Variants in PRDM10 observed in about 807,000 individuals in gnomAD.
PRDM10 encodes the protein PR domain zinc finger protein 10.
Under a neutral mutation model 133.1 loss-of-function variants are expected in PRDM10, and 65 were observed. The observed-to-expected ratio is 0.49, with a 90% CI of 0.40 to 0.60. The LOEUF is 0.60. Ranked by LOEUF, PRDM10 falls within the 20% of genes least tolerant of loss-of-function variation. PRDM10 has a pLI of 0.00. For missense variants in PRDM10, 1,137 were observed against 1,507.1 expected (o/e 0.75, Z 4.07); for synonymous variants, 582 against 580.4 (o/e 1.00, Z -0.04).
chr11:129,914,863 C>T lies in PRDM10; in HGVS notation c.2682G>A (p.Leu894=). The change falls in exon 17 of 21, where the codon CTG becomes CTA. Residue 894 remains leucine (L), a synonymous_variant. Coordinates refer to ENST00000360871, the MANE Select transcript of PRDM10 (RefSeq NM_199437.2). ...ATGETVVTTD[L]LTQAMTELSQ... ...ACAGTTCTGTCATTGCTTGGGTGAG[C>T]AGGTCCGTCGTCACCACAGTCTCTC... 6.2e-7 allele frequency: 1 copy of T among 1,614,126 alleles called. No homozygotes were observed. Among genetic ancestry groups the T allele is most frequent in the Non-Finnish European group, 8.5e-7 (1 of 1,180,016 alleles).
chr11:129,989,533 T>G (rs1938616767), intron 1 of PRDM10, among the ~76,000 whole-genome samples: 1 of 152,102 alleles, frequency 6.6e-6, no homozygotes, highest in Admixed American at 6.6e-5. Flanking sequence ...AGTGCAGTAA[T>G]TAAGTAGGAG....
intron 1 of PRDM10, among the ~76,000 whole-genome samples, chr11:129,974,964 G>A (rs990529686): frequency 1.9e-4 from 29 of 152,144 alleles, no homozygotes; most frequent in African/African-American, 7.0e-4. Context: ...TGAGGTAACT[G>A]GAATAGGCAA....
intron 17 of PRDM10, among the ~76,000 whole-genome samples, chr11:129,914,059 T>C (rs990924743): frequency 2.6e-5 from 4 of 152,096 alleles, no homozygotes; most frequent in African/African-American, 9.7e-5. Context: ...TGGAGTGCAA[T>C]GGTGTGATCT....
At chr11:129,972,978 CT>C (rs1199277173) in intron 1 of PRDM10, among the ~76,000 whole-genome samples, 1 of 152,164 alleles carries the variant, frequency 6.6e-6, no homozygotes, top group Non-Finnish European at 1.5e-5. Flanking sequence ...GCCCTCCCTC[CT>C]TGTTACAAAA....
chr11:129,914,251 C>T (rs1330211765), intron 17 of PRDM10, among the ~76,000 whole-genome samples: 2 of 152,232 alleles, frequency 1.3e-5, no homozygotes, highest in African/African-American at 4.8e-5. Context: ...ATCTGCCCGC[C>T]TCAGCCTCCC....
chr11:129,914,926 A>C lies in PRDM10; in HGVS notation c.2619T>G (p.Ser873Arg). 6.2e-7 allele frequency: 1 copy of C among 1,614,122 alleles called. No homozygotes were observed. Among genetic ancestry groups the C allele is most frequent in the Non-Finnish European group, 8.5e-7 (1 of 1,180,012 alleles). The change falls in exon 17 of 21, where the codon AGT becomes AGG. Residue 873 changes from serine (S) to arginine (R), a missense_variant. By Grantham distance (110) the Ser-to-Arg change is moderately radical. Transcript: ENST00000360871. ...CTGTAGTCAAAACCGCTGGGGTGGCACTGATCACAGCTGTCGTCAGTGGTG... is the reference window on the plus strand; with the variant it reads ...CTGTAGTCAAAACCGCTGGGGTGGCCCTGATCACAGCTGTCGTCAGTGGTG... ...IHTPLTTAVISATPAVLTTDS... is the reference protein window; with the variant it reads ...IHTPLTTAVIRATPAVLTTDS...
In PRDM10 at chr11:129,944,827, C is replaced by G. The variant is rs1282877066; in HGVS notation, c.706G>C (p.Val236Leu). The stretch of plus-strand genomic sequence containing the variant: ...GAGCCCCTGACGAGAGGCCCCTCCA[C>G]GGGGCCAAACTGGGTGCGCTTGGGG... ...RIPKRTQFGP[V>L]EGPLVRGSEL... The change falls in exon 6 of 21, where the codon GTG (valine) becomes CTG (leucine). Residue 236 changes from valine (V) to leucine (L), a missense_variant. Coordinates refer to ENST00000360871, the MANE Select transcript of PRDM10 (RefSeq NM_199437.2). 2 of 1,614,084 alleles carry G rather than the reference C, an allele frequency of 1.2e-6. No homozygotes were observed. The highest frequency in any genetic ancestry group is 1.7e-6 in the Non-Finnish European group (2 of 1,180,006).
At chr11:129,996,399 A>T (rs958333273) in intron 1 of PRDM10, among the ~76,000 whole-genome samples, 2 of 152,226 alleles carry the variant, frequency 1.3e-5, no homozygotes, top group African/African-American at 4.8e-5. Flanking sequence ...TACATTTTAA[A>T]ATATTTGAAA....
rs57861880 is a variant in PRDM10, at chr11:129,900,344, A to AAAGAAG, written c.*1963_*1968dup. The AAAGAAG allele has an allele frequency of 0.17, 26,267 of 151,162 alleles. 2,318 individuals are homozygous for AAAGAAG. The highest frequency in any genetic ancestry group is 0.22 in the African/African-American group (9,200 of 41,016). The allele number at this position is 151,162 out of a possible 1,614,324, so 9.4% of individuals were successfully genotyped here. ...AGAGTCTTTATTTCACTTAAGGACC[A>AAAGAAG]AAGAAGAAGAAGAAGAAGAAGAAGA... On this transcript the variant is annotated 3_prime_UTR_variant, in exon 21 of 21. Coordinates refer to ENST00000360871, the MANE Select transcript of PRDM10 (RefSeq NM_199437.2).
intron 17 of PRDM10, among the ~76,000 whole-genome samples, chr11:129,913,475 A>G (rs894135557): frequency 5.3e-5 from 8 of 152,202 alleles, no homozygotes; most frequent in African/African-American, 1.4e-4. Flanking sequence ...GTCAGGAATC[A>G]AAAATTTCAG....
intron 7 of PRDM10, among the ~76,000 whole-genome samples, chr11:129,939,915 A>G (rs1224829418): frequency 6.6e-6 from 1 of 152,216 alleles, no homozygotes; most frequent in Non-Finnish European, 1.5e-5. Context: ...CAGGAAGGTG[A>G]TCAGTGGCTT....
chr11:129,950,121 C>T (rs1048480830), intron 4 of PRDM10, among the ~76,000 whole-genome samples: 26 of 151,892 alleles, frequency 1.7e-4, no homozygotes, highest in African/African-American at 6.3e-4. Flanking sequence ...CCTGTGGTCC[C>T]AGCTACTCAG....
chr11:129,955,414 C>T (rs938469440), intron 4 of PRDM10, 98 bp downstream of exon 4: 18 of 1,174,736 alleles, frequency 1.5e-5, no homozygotes, highest in Non-Finnish European at 2.1e-5. Flanking sequence ...ACATGAGAAA[C>T]AAACATCCAG....
At chr11:129,957,955 T>G in intron 2 of PRDM10, 45 bp from the exon 3 acceptor site, 1 of 1,558,716 alleles carries the variant, frequency 6.4e-7, no homozygotes, top group Non-Finnish European at 8.7e-7. Flanking sequence ...ATCAGGAAGG[T>G]AAGTGATCAA....
In PRDM10 at chr11:129,925,081, A is replaced by G. The variant is rs1215869732; in HGVS notation, c.1679T>C (p.Leu560Pro). ...GCTGCTGATGAAGCCCTTGTTACAG[A>G]GATCACAGGTCAGTGGGCAGTTCCC... ...REGNCPLTCD[L>P]CNKGFISSTS... Residue 560 changes from leucine to proline, a missense_variant, in exon 12 of 21, where the codon CTC (leucine) becomes CCC (proline). Transcript: ENST00000360871. 1.9e-6 allele frequency: 3 copies of G among 1,614,228 alleles called. No individual in the cohort carries two copies. The highest frequency in any genetic ancestry group is 2.5e-6 in the Non-Finnish European group (3 of 1,180,044).
intron 1 of PRDM10, among the ~76,000 whole-genome samples, chr11:129,961,921 T>C (rs1312246013): frequency 6.6e-6 from 1 of 152,112 alleles, no homozygotes; most frequent in Non-Finnish European, 1.5e-5. Flanking sequence ...GAGAATGAGT[T>C]TCTCAGATGC....
intron 13 of PRDM10, among the ~76,000 whole-genome samples, chr11:129,921,458 A>G (rs73016852): frequency 0.082 from 12,497 of 152,276 alleles, 564 homozygotes; most frequent in Admixed American, 0.13. Flanking sequence ...ACGGGGAGGC[A>G]GGAACCAGAG....
At chr11:129,973,978 G>A (rs1262932093) in intron 1 of PRDM10, among the ~76,000 whole-genome samples, 3 of 152,188 alleles carry the variant, frequency 2.0e-5, no homozygotes, top group Admixed American at 2.0e-4. Context: ...TTCCCAGCGC[G>A]CTCAGCAGTG....
At chr11:129,925,907 A>G (rs1040043041) in intron 11 of PRDM10, among the ~76,000 whole-genome samples, 1 of 152,210 alleles carries the variant, frequency 6.6e-6, no homozygotes, top group Non-Finnish European at 1.5e-5. Context: ...ACCACTTTAA[A>G]GGGTAAACTT....
Sources: gnomAD v4.1 joint callset for allele counts (sites outside exome capture counted in the v4.1 genomes callset) on GRCh38, gnomAD v4.1.1 for gene constraint, MANE v1.5 for transcripts, NCBI Gene and HGNC (gene_info 2026-07-23, HGNC 2026-07-21) for gene names.